Variants in CDK12 observed in about 807,000 individuals in gnomAD.
CDK12 encodes cyclin dependent kinase 12, also known as cyclin-dependent kinase 12.
Under a neutral mutation model 133.8 loss-of-function variants are expected in CDK12, and 17 were observed. That is an observed-to-expected ratio of 0.13 (90% CI 0.09 to 0.19). The LOEUF (loss-of-function observed/expected upper bound fraction) is 0.19. Among genes scored for constraint, CDK12 ranks in the 10% least tolerant of loss-of-function variants. The pLI, the probability that CDK12 is intolerant of heterozygous loss-of-function variation, is 1.00. For missense variants in CDK12, 1,508 were observed against 1,818.7 expected (o/e 0.83, Z 3.11); for synonymous variants, 694 against 683.6 (o/e 1.02, Z -0.24).
intron 10 of CDK12, among the ~76,000 whole-genome samples, chr17:39,518,254 G>C (rs1290500659): frequency 6.6e-6 from 1 of 151,984 alleles, no homozygotes; most frequent in Non-Finnish European, 1.5e-5. Flanking sequence ...TGGGATTATA[G>C]GCGTGAGCCT....
downstream of CDK12, among the ~76,000 whole-genome samples, chr17:39,535,374 G>C (rs1300741662): frequency 6.6e-6 from 1 of 152,148 alleles, no homozygotes; most frequent in African/African-American, 2.4e-5. Flanking sequence ...GTGATGATGA[G>C]AGTTGCTAAC....
intron 9 of CDK12, 32 bp from the exon 10 acceptor site, chr17:39,517,408 C>G (rs754993457): frequency 1.8e-5 from 22 of 1,234,354 alleles, no homozygotes; most frequent in African/African-American, 3.0e-5. Flanking sequence ...GACTCACTCA[C>G]TCCATTGTTC....
At chr17:39,501,526 G>T (rs1261103960) in intron 6 of CDK12, 87 bp downstream of exon 6, 2 of 848,850 alleles carry the variant, frequency 2.4e-6, no homozygotes, top group South Asian at 1.7e-5. Flanking sequence ...ATTATAATTA[G>T]ACCTAATAGT....
At chr17:39,548,035 G>A (rs371675130), upstream of CDK12, among the ~76,000 whole-genome samples, 122 of 152,258 alleles carry the variant, frequency 8.0e-4, 1 homozygote, top group African/African-American at 2.9e-3. Flanking sequence ...TGTCTACCAG[G>A]TTATCTGATC....
At chr17:39,517,977 A>ATT (rs574417333) in intron 10 of CDK12, among the ~76,000 whole-genome samples, 56 of 118,646 alleles carry the variant, frequency 4.7e-4, no homozygotes, top group Admixed American at 1.5e-3. Flanking sequence ...CTTAGCCTTC[A>ATT]TTTTTTTTTT....
Position 39,525,790 on chromosome 17 carries a change from G to C in CDK12, c.3308-74G>C, listed in dbSNP as rs947258304. 25 of 1,100,910 alleles carry C rather than the reference G, an allele frequency of 2.3e-5. No individual in the cohort carries two copies. In the African/African-American group the frequency reaches 3.8e-4, roughly 17 times the overall value. 68.2% of individuals were successfully genotyped at this position (1,100,910 alleles called of 1,614,324 possible). On this transcript the variant is annotated intron_variant, in intron 12 of 13. Coordinates refer to ENST00000447079, the MANE Select transcript of CDK12 (RefSeq NM_016507.4). ...CATTTTTTGGATATTGTAAGTTGCTGTTGCCAGTTGAAGAAGGCAAAGGGC... is the reference window on the plus strand; with the variant it reads ...CATTTTTTGGATATTGTAAGTTGCTCTTGCCAGTTGAAGAAGGCAAAGGGC...
At chr17:39,555,691 GAGATAAA>G (rs769747431) in intron 2 of CDK12, among the ~76,000 whole-genome samples, 10 of 151,988 alleles carry the variant, frequency 6.6e-5, no homozygotes, top group Non-Finnish European at 1.0e-4. Flanking sequence ...AGCCCCAGGA[GAGATAAA>G]AGAATCATGC....
At chr17:39,541,006 A>C (rs1017178570) in intron 1 of CDK12, among the ~76,000 whole-genome samples, 3 of 152,208 alleles carry the variant, frequency 2.0e-5, no homozygotes, top group African/African-American at 7.2e-5. Context: ...ACTTTGGGGA[A>C]GGGGAAGACT....
At chr17:39,512,707 A>G (rs953500125) in intron 8 of CDK12, among the ~76,000 whole-genome samples, 1 of 152,232 alleles carries the variant, frequency 6.6e-6, no homozygotes, top group African/African-American at 2.4e-5. Flanking sequence ...TTATTGGAAT[A>G]CTTATATAAA....
chr17:39,487,722 T>A (rs1439252908), intron 2 of CDK12, among the ~76,000 whole-genome samples: 1 of 149,072 alleles, frequency 6.7e-6, no homozygotes, highest in Non-Finnish European at 1.5e-5. Flanking sequence ...GTTCAAGCAA[T>A]TCTCATGCCT....
chr17:39,510,972 T>G (rs1371934656), intron 7 of CDK12, among the ~76,000 whole-genome samples: 2 of 138,570 alleles, frequency 1.4e-5, no homozygotes, highest in African/African-American at 2.6e-5. Context: ...TCCCAGCACT[T>G]TGGGAGACCG....
At chr17:39,524,260 T>C (rs1192240361) in intron 11 of CDK12, among the ~76,000 whole-genome samples, 1 of 152,234 alleles carries the variant, frequency 6.6e-6, no homozygotes, top group African/African-American at 2.4e-5. Flanking sequence ...CATGGTTCCA[T>C]GGTTTAAGTC....
intron 6 of CDK12, among the ~76,000 whole-genome samples, chr17:39,502,906 C>G (rs1479354179): frequency 6.6e-6 from 1 of 152,018 alleles, no homozygotes; most frequent in East Asian, 1.9e-4. Flanking sequence ...AGAGATGAAG[C>G]TGGATAGTTA....
chr17:39,462,838 C>T lies in CDK12; in HGVS notation c.767C>T (p.Ser256Leu). 6.2e-7 allele frequency: 1 copy of T among 1,614,166 alleles called. No homozygotes were observed. Among genetic ancestry groups the T allele is most frequent in the Non-Finnish European group, 8.5e-7 (1 of 1,180,022 alleles). ...YDLSPSRSHTSSNYDSYKKSP... is the reference protein window; with the variant it reads ...YDLSPSRSHTLSNYDSYKKSP... Reference sequence around the variant, plus strand: ...CTTAGTCCCTCACGATCTCATACCTCGAGCAATTATGACTCCTACAAGAAA... The same window carrying T: ...CTTAGTCCCTCACGATCTCATACCTTGAGCAATTATGACTCCTACAAGAAA... Residue 256 changes from serine to leucine, a missense_variant, in exon 1 of 14, where the codon TCG becomes TTG. Ser to Leu is a moderately radical substitution (Grantham distance 145, BLOSUM62 -2). Around this residue, in one of 9 missense-constraint regions of CDK12, gnomAD observed 460 missense variants for 490.8 expected, o/e 0.94. Coordinates refer to ENST00000447079, the MANE Select transcript of CDK12 (RefSeq NM_016507.4).
intron 2 of CDK12, among the ~76,000 whole-genome samples, chr17:39,489,754 A>C: frequency 6.7e-6 from 1 of 149,624 alleles, no homozygotes; most frequent in East Asian, 2.0e-4. Flanking sequence ...AGCCTCCCAA[A>C]GTGCTGGGAT....
chr17:39,520,043 C>T lies in CDK12; in HGVS notation c.3051C>T (p.Ser1017=), dbSNP rs183497483. ...GCACAGCTGAACAGACCCTACAGAGCGACTTCCTTAAAGATGTCGAACTCA... is the reference window on the plus strand; with the variant it reads ...GCACAGCTGAACAGACCCTACAGAGTGACTTCCTTAAAGATGTCGAACTCA... The part of the protein sequence containing the change: ...KRCTAEQTLQ[S]DFLKDVELSK... Residue 1017 remains serine, a synonymous_variant, in exon 11 of 14, where the codon AGC becomes AGT. Transcript: ENST00000447079. The T allele has an allele frequency of 2.4e-4, 385 of 1,614,002 alleles. 4 individuals carry two copies. In the Admixed American group the frequency reaches 2.8e-3, roughly 12 times the overall value.
At position 39,519,541 on chromosome 17, in the gene CDK12, A is replaced by G. The variant is rs569853663; in HGVS notation, c.2964-415A>G. ...AACGATCCACCCGCTTCAGCCTCCC[A>G]AAGTGCTGTGTGGGACTGTAGGCAT... On this transcript the variant is annotated intron_variant, in intron 10 of 13. Transcript: ENST00000447079. Among the ~76,000 whole-genome samples the G allele has an allele frequency of 1.3e-3, 194 of 150,500 alleles. 1 individual carries two copies. The highest frequency in any genetic ancestry group is 4.6e-3 in the African/African-American group (189 of 40,978).
chr17:39,530,034 C>G (rs2054732366), intron 13 of CDK12: 1 of 152,156 alleles, frequency 6.6e-6, no homozygotes, highest in Admixed American at 6.5e-5. Flanking sequence ...TTTGGAGAAG[C>G]AAGTGTATTT....
chr17:39,513,324 T>C (rs1224650173), intron 8 of CDK12, among the ~76,000 whole-genome samples: 4 of 152,208 alleles, frequency 2.6e-5, no homozygotes, highest in Admixed American at 6.5e-5. Context: ...TTTTCCTTCC[T>C]CTATTAATGT....
Sources: gnomAD v4.1 joint callset for allele counts (sites outside exome capture counted in the v4.1 genomes callset) on GRCh38, gnomAD v4.1.1 for gene constraint, gnomAD v4.1.1 regional missense constraint, MANE v1.5 for transcripts, NCBI Gene and HGNC (gene_info 2026-07-23, HGNC 2026-07-21) for gene names.